DROSHA: variants seen among roughly 807,000 people sequenced by gnomAD.
DROSHA encodes the protein ribonuclease 3.
In DROSHA, 56 loss-of-function variants were observed where a neutral mutation model predicts 181.9. That is an observed-to-expected ratio of 0.31 (90% CI 0.25 to 0.38). DROSHA has a LOEUF of 0.38. DROSHA is among the 10% of genes least tolerant of loss of function. The pLI is 1.00. For synonymous variants in DROSHA, 524 were observed against 591.2 expected (o/e 0.89, Z 1.65); for missense variants, 1,218 against 1,743.5 (o/e 0.70, Z 5.37).
intron 16 of DROSHA, among the ~76,000 whole-genome samples, chr5:31,472,956 T>C (rs1749915258): frequency 1.3e-5 from 2 of 152,254 alleles, no homozygotes; most frequent in South Asian, 4.1e-4. Context: ...ATCCACTTCA[T>C]TTGGGCATTA....
intron 25 of DROSHA, among the ~76,000 whole-genome samples, chr5:31,432,468 C>T (rs973881825): frequency 6.6e-6 from 1 of 152,012 alleles, no homozygotes; most frequent in Admixed American, 6.6e-5. Context: ...AAGTGAGGAC[C>T]CTCAGAAGAC....
In DROSHA at chr5:31,400,950, A is replaced by G. The variant is rs775376244; in HGVS notation, c.*482T>C. ...CACTGCTTAGAGAGAGGTAAGTTCA[A>G]TATTTGCAGCTGATAACTTGATGAA... On this transcript the variant is annotated 3_prime_UTR_variant, in exon 36 of 36. Coordinates refer to ENST00000344624, the MANE Select transcript of DROSHA (RefSeq NM_001382508.1). 3.1e-4 allele frequency: 53 copies of G among 171,210 alleles called. No individual in the cohort carries two copies. Among genetic ancestry groups the G allele is most frequent in the Admixed American group, 4.3e-4 (7 of 16,224 alleles). 10.6% of individuals were successfully genotyped at this position (171,210 alleles called of 1,614,324 possible). A position where few individuals can be genotyped will look rare whatever the true frequency, so the allele number is the denominator to read the frequency against.
chr5:31,422,090 G>GA (rs11375467), intron 29 of DROSHA, among the ~76,000 whole-genome samples: 47,884 of 129,358 alleles, frequency 0.37, 10,309 homozygotes, highest in East Asian at 0.66. Flanking sequence ...AGATCTGTCA[G>GA]AAAAAAAAAA....
At chr5:31,488,806 T>C (rs767188467) in intron 13 of DROSHA, among the ~76,000 whole-genome samples, 13 of 152,038 alleles carry the variant, frequency 8.6e-5, no homozygotes, top group Non-Finnish European at 1.8e-4. Flanking sequence ...AGGAGCCAAA[T>C]GAAGGGAAGA....
chr5:31,526,916 C>A lies in DROSHA; in HGVS notation c.21-4G>T, dbSNP rs1273545802. ...CGGGTGGAACGACATTCTGTGACTT[C>A]ATGGCAGAAAAGAAAAAGGGAAAAG... On this transcript the variant is annotated splice_region_variant and splice_polypyrimidine_tract_variant and intron_variant, in intron 4 of 35. Coordinates refer to ENST00000344624, the MANE Select transcript of DROSHA (RefSeq NM_001382508.1). 2 of 1,606,202 alleles carry A rather than the reference C, an allele frequency of 1.2e-6. No homozygotes were observed. Among genetic ancestry groups the A allele is most frequent in the Admixed American group, 1.7e-5 (1 of 57,920 alleles).
chr5:31,449,394 T>C lies in DROSHA; in HGVS notation c.2708A>G (p.His903Arg). ...LQLAMTHPSH[H>R]LNFGMNPDHA... ...ATCAGGATTCATTCCAAAATTTAAA[T>C]GATGACTTGGATGAGTCATGGCCAG... The change falls in exon 22 of 36, where the codon CAT becomes CGT. Residue 903 changes from histidine to arginine, a missense_variant. His to Arg is a conservative substitution (Grantham distance 29). Transcript: ENST00000344624. 1 of 1,589,956 alleles carries C rather than the reference T, an allele frequency of 6.3e-7. No individual in the cohort carries two copies. Among genetic ancestry groups the C allele is most frequent in the Non-Finnish European group, 8.6e-7 (1 of 1,167,124 alleles).
chr5:31,481,478 A>G (rs1196421459), intron 16 of DROSHA, among the ~76,000 whole-genome samples: 1 of 152,226 alleles, frequency 6.6e-6, no homozygotes, highest in Non-Finnish European at 1.5e-5. Flanking sequence ...TATAGAAAGG[A>G]AAAGGCTTTT....
intron 33 of DROSHA, among the ~76,000 whole-genome samples, chr5:31,407,596 T>C (rs1166946885): frequency 6.6e-6 from 1 of 152,132 alleles, no homozygotes. Flanking sequence ...AAAGGGAAAT[T>C]AAAAGTAGCC....
chr5:31,406,909 G>C lies in DROSHA; in HGVS notation c.3891C>G (p.Thr1297=), dbSNP rs747828080. 2.5e-6 allele frequency: 4 copies of C among 1,613,670 alleles called. No individual in the cohort carries two copies. The highest frequency in any genetic ancestry group is 3.4e-6 in the Non-Finnish European group (4 of 1,179,762). The change falls in exon 34 of 36, where the codon ACC becomes ACG. Residue 1297 remains threonine, a synonymous_variant. Transcript: ENST00000344624. ...LQTVGPSHAR[T]YTVAVYFKGE... is the part of the protein sequence containing the mutation. ...CCTTGAAATAAACAGCCACAGTGTAGGTTCGGGCATGGGATGGGCCCACTG... is the reference window on the plus strand; with the variant it reads ...CCTTGAAATAAACAGCCACAGTGTACGTTCGGGCATGGGATGGGCCCACTG...
At chr5:31,463,894 T>C (rs1407527741) in intron 20 of DROSHA, among the ~76,000 whole-genome samples, 2 of 152,154 alleles carry the variant, frequency 1.3e-5, no homozygotes, top group Non-Finnish European at 2.9e-5. Flanking sequence ...ATTATCTCTT[T>C]TGTATAAGCA....
At position 31,509,691 on chromosome 5, in the gene DROSHA, T is replaced by C. The variant is rs560137805; in HGVS notation, c.1433-916A>G. ...GCAAGACCAAAGACTTGACATTTCTTTTCCCTCAATAACAGCAAGAGAAGG... is the reference window on the plus strand; with the variant it reads ...GCAAGACCAAAGACTTGACATTTCTCTTCCCTCAATAACAGCAAGAGAAGG... On this transcript the variant is annotated intron_variant, in intron 9 of 35. Transcript: ENST00000344624. Among the ~76,000 whole-genome samples, 221 of 152,336 alleles carry C rather than the reference T, an allele frequency of 1.5e-3. 1 individual carries two copies. The highest frequency in any genetic ancestry group is 2.6e-3 in the Non-Finnish European group (174 of 68,022).
At chr5:31,466,311 G>A (rs1749000071) in intron 18 of DROSHA, 30 bp from the exon 19 acceptor site, 3 of 1,599,292 alleles carry the variant, frequency 1.9e-6, no homozygotes, top group African/African-American at 2.7e-5. Flanking sequence ...AACATCTCAG[G>A]TAAAGAGGAG....
At chr5:31,441,061 A>G (rs1372340901) in intron 23 of DROSHA, among the ~76,000 whole-genome samples, 1 of 152,046 alleles carries the variant, frequency 6.6e-6, no homozygotes, top group Non-Finnish European at 1.5e-5. Context: ...AAAAAGAGAG[A>G]GAGAAAGAGA....
chr5:31,525,430 G>A (rs1307527901), intron 5 of DROSHA, among the ~76,000 whole-genome samples: 1 of 147,632 alleles, frequency 6.8e-6, no homozygotes, highest in East Asian at 2.0e-4. Context: ...CTTGAACCCA[G>A]GAGGTGGAGG....
In DROSHA at chr5:31,515,047, C is replaced by T. The variant is rs879773567; in HGVS notation, c.1231G>A (p.Val411Met). ...EEEEEELLKP[V>M]WIRCTHSENY... is the part of the protein sequence containing the mutation. ...TCTGAATGAGTGCATCGAATCCACA[C>T]AGGCTTAAGAAGTTCTTCTTCTTCC... is the stretch of plus-strand genomic sequence containing the variant. The change falls in exon 8 of 36, where the codon GTG becomes ATG. Residue 411 changes from valine to methionine, a missense_variant. Val to Met is a conservative substitution (Grantham distance 21, BLOSUM62 1). Transcript: ENST00000344624. The T allele has an allele frequency of 1.2e-6, 2 of 1,613,898 alleles. No homozygotes were observed. The highest frequency in any genetic ancestry group is 1.7e-5 in the Admixed American group (1 of 60,004).
intron 13 of DROSHA, among the ~76,000 whole-genome samples, chr5:31,491,305 GT>G (rs11301106): frequency 0.11 from 16,603 of 151,858 alleles, 1,169 homozygotes; most frequent in East Asian, 0.23. Context: ...CACTTTTCAT[GT>G]GCCATCTTAT....
intron 35 of DROSHA, among the ~76,000 whole-genome samples, 160 bp from the exon 36 acceptor site, chr5:31,401,722 T>G (rs1182202413): frequency 6.6e-6 from 1 of 152,238 alleles, no homozygotes; most frequent in African/African-American, 2.4e-5. Context: ...TTTTCTTCCC[T>G]TATTCTTTCA....
Position 31,515,467 on chromosome 5 carries a change from C to T in DROSHA, c.1045G>A (p.Glu349Lys), listed in dbSNP as rs1739172674. ...AGATCTACTTACTGATTCACAATCT[C>T]CAGGGGTGGGGCCCAAGAATCTGTA... is the stretch of plus-strand genomic sequence containing the variant. ...KNTDSWAPPLEIVNHRSPSRE... is the reference protein window; with the variant it reads ...KNTDSWAPPLKIVNHRSPSRE... Residue 349 changes from glutamate (E) to lysine (K), a missense_variant, in exon 7 of 36, where the codon GAG becomes AAG. Transcript: ENST00000344624. The T allele has an allele frequency of 7.2e-7, 1 of 1,380,848 alleles. No individual in the cohort carries two copies. The highest frequency in any genetic ancestry group is 1.4e-5 in the African/African-American group (1 of 70,192). 85.5% of individuals were successfully genotyped at this position (1,380,848 alleles called of 1,614,324 possible).
At chr5:31,506,361 TC>T (rs1737956403) in intron 10 of DROSHA, among the ~76,000 whole-genome samples, 1 of 59,450 alleles carries the variant, frequency 1.7e-5, no homozygotes, top group African/African-American at 3.9e-5. Flanking sequence ...AGACCCCGTC[TC>T]AAAAAAAAAA....
Sources: allele counts gnomAD v4.1 joint callset (sites outside exome capture counted in the v4.1 genomes callset), GRCh38; gene constraint gnomAD v4.1.1; transcripts MANE v1.5; gene names NCBI Gene and HGNC (gene_info 2026-07-23, HGNC 2026-07-21).